Variants in THOC2 observed in about 807,000 individuals in gnomAD.
The protein encoded by THOC2 is THO complex subunit 2.
A neutral mutation model predicts 128.4 loss-of-function variants in THOC2; 10 were observed. The ratio of observed to expected loss-of-function variants is 0.08; its 90% CI spans 0.05 to 0.13. The LOEUF is 0.13. THOC2 is among the 10% of genes least tolerant of loss of function. The probability of loss-of-function intolerance (pLI) is 1.00; values close to 1 mark genes in which losing one functional copy is unlikely to be tolerated. For synonymous variants in THOC2, 393 were observed against 396.9 expected, an observed-to-expected ratio of 0.99 and a Z score of 0.12; for missense variants, 535 against 1,155.7, an observed-to-expected ratio of 0.46 and a Z score of 7.79.
chrX:123,678,249 G>A (rs992506566), intron 8 of THOC2, among the ~76,000 whole-genome samples: 2 of 109,204 alleles, frequency 1.8e-5, no homozygotes, highest in Admixed American at 2.0e-4. Context: ...GGTCAGCATT[G>A]GGGTCCATGT....
chrX:123,722,014 G>C (rs1249690859), intron 1 of THOC2, among the ~76,000 whole-genome samples: 2 of 111,672 alleles, frequency 1.8e-5, no homozygotes, highest in Non-Finnish European at 1.9e-5. Context: ...TTTAAGACAT[G>C]GGTCTTTCAC....
intron 25 of THOC2, among the ~76,000 whole-genome samples, chrX:123,625,677 C>T (rs1423139626): frequency 3.6e-5 from 4 of 110,965 alleles, no homozygotes; most frequent in African/African-American, 1.3e-4. Flanking sequence ...ATTTAATCCT[C>T]ACAACAATCT....
intron 8 of THOC2, among the ~76,000 whole-genome samples, chrX:123,676,151 C>T (rs778542525): frequency 3.6e-5 from 4 of 112,414 alleles, no homozygotes; most frequent in East Asian, 2.8e-4. Context: ...TCAGGCTTTT[C>T]GGTCTCACTA....
intron 2 of THOC2, among the ~76,000 whole-genome samples, chrX:123,707,350 T>A (rs2050975950): frequency 8.9e-6 from 1 of 111,818 alleles, no homozygotes; most frequent in South Asian, 3.7e-4. Context: ...ATCATTCTCC[T>A]CACCAGTAGA....
intron 33 of THOC2, among the ~76,000 whole-genome samples, chrX:123,618,328 C>G (rs914018614): frequency 1.8e-4 from 20 of 111,839 alleles, no homozygotes; most frequent in African/African-American, 6.5e-4. Context: ...CCCAGCATAG[C>G]TGAGACTTTT....
chrX:123,619,553 T>C, intron 32 of THOC2, 117 bp from the exon 33 acceptor site: 1 of 768,674 alleles, frequency 1.3e-6, no homozygotes, highest in African/African-American at 2.1e-5. Context: ...TGAGGATAAA[T>C]TTCATGATGT....
chrX:123,627,349 G>C (rs577532231), intron 23 of THOC2, among the ~76,000 whole-genome samples: 1 of 111,016 alleles, frequency 9.0e-6, no homozygotes, highest in Non-Finnish European at 1.9e-5. Flanking sequence ...TACCTTCAAG[G>C]CCTGTCCATT....
At chrX:123,680,615 G>A (rs1229625851) in intron 8 of THOC2, among the ~76,000 whole-genome samples, 1 of 110,154 alleles carries the variant, frequency 9.1e-6, no homozygotes, top group Admixed American at 9.7e-5. Flanking sequence ...AGGTGCGGAG[G>A]GGCAACCCAC....
At chrX:123,717,197 C>T (rs1457255604) in intron 1 of THOC2, among the ~76,000 whole-genome samples, 8 of 110,604 alleles carry the variant, frequency 7.2e-5, no homozygotes, top group African/African-American at 2.6e-4. Flanking sequence ...AATGACTACA[C>T]CATAAAGTTA....
intron 12 of THOC2, among the ~76,000 whole-genome samples, chrX:123,645,660 T>G (rs1038146772): frequency 1.8e-4 from 20 of 112,715 alleles, no homozygotes; most frequent in Admixed American, 8.4e-4. Flanking sequence ...TCTAAGAATT[T>G]ATTATAAAAG....
At chrX:123,725,616 CAAAAA>C (rs56708326) in intron 1 of THOC2, among the ~76,000 whole-genome samples, 4 of 32,765 alleles carry the variant, frequency 1.2e-4, no homozygotes, top group African/African-American at 4.9e-4. Flanking sequence ...GACCCTATCT[CAAAAA>C]AAAAAAAAAA....
At position 123,634,007 on chromosome X, in the gene THOC2, T is replaced by C. The variant is rs367888630; in HGVS notation, c.2082A>G (p.Glu694=). 18 of 1,207,078 alleles carry C rather than the reference T, an allele frequency of 1.5e-5. No individual in the cohort carries two copies. The African/African-American group carries it at 3.0e-4, about 20-fold the overall frequency. The change falls in exon 20 of 39, where the codon GAA becomes GAG. Residue 694 remains glutamate, a synonymous_variant. Transcript: ENST00000245838. ...TAGCCTCTAGTTGCTCCATTGTCAT[T>C]TCCTCTGTAATTTCTATTCCTGCCA... ...QKMAGIEITE[E]MTMEQLEAMT...
intron 1 of THOC2, among the ~76,000 whole-genome samples, chrX:123,724,494 G>A (rs1234901927): frequency 1.8e-5 from 2 of 111,167 alleles, no homozygotes; most frequent in Non-Finnish European, 3.8e-5. Flanking sequence ...AGACCAGCCT[G>A]GCCAACATGA....
At chrX:123,603,408 G>A (rs111303934) in intron 38 of THOC2, 17 of 338,934 alleles carry the variant, frequency 5.0e-5, no homozygotes, top group African/African-American at 1.1e-4. Flanking sequence ...TCCTGGAGGC[G>A]ATTTCCTCTC....
chrX:123,669,906 CAT>C (rs1176130484), intron 9 of THOC2, among the ~76,000 whole-genome samples: 1 of 111,822 alleles, frequency 8.9e-6, no homozygotes, highest in African/African-American at 3.2e-5. Flanking sequence ...AGCTGTTTCT[CAT>C]ATAAATAATA....
chrX:123,620,320 C>G (rs919447755), intron 32 of THOC2: 1 of 111,473 alleles, frequency 9.0e-6, no homozygotes, highest in Admixed American at 9.6e-5. Flanking sequence ...TGTTGGGAAC[C>G]CAATGGGTAT....
intron 8 of THOC2, among the ~76,000 whole-genome samples, chrX:123,685,881 A>G (rs1021374210): frequency 9.0e-6 from 1 of 111,404 alleles, no homozygotes; most frequent in South Asian, 3.8e-4. Flanking sequence ...AAAAATTCCA[A>G]TAGCCATTGT....
chrX:123,727,651 G>A lies in THOC2; in HGVS notation c.71+5301C>T, dbSNP rs180943611. On this transcript the variant is annotated intron_variant, in intron 1 of 38. Transcript: ENST00000245838. ...AATAGAGATAGGTTCTCGCTATGTCGCCCAGAGCTCTCCTGGGCTCAGGCA... is the reference window on the plus strand; with the variant it reads ...AATAGAGATAGGTTCTCGCTATGTCACCCAGAGCTCTCCTGGGCTCAGGCA... Among the ~76,000 whole-genome samples, 474 of 111,603 alleles carry A rather than the reference G, an allele frequency of 4.2e-3. 2 individuals are homozygous for A. Among genetic ancestry groups the A allele is most frequent in the African/African-American group, 0.015 (453 of 30,750 alleles).
intron 32 of THOC2, 95 bp downstream of exon 32, chrX:123,620,812 T>G: frequency 1.2e-6 from 1 of 845,125 alleles, no homozygotes. Flanking sequence ...GTGGCTCCAG[T>G]GAATGCTTGG....
Sources: allele counts gnomAD v4.1 joint callset (sites outside exome capture counted in the v4.1 genomes callset), GRCh38; gene constraint gnomAD v4.1.1; transcripts MANE v1.5; gene names NCBI Gene and HGNC (gene_info 2026-07-23, HGNC 2026-07-21).